Variants in MITF observed in about 807,000 individuals in gnomAD.
MITF encodes the protein melanocyte inducing transcription factor, also known as microphthalmia-associated transcription factor.
MITF carries 17 observed loss-of-function variants against 60.5 expected under a neutral mutation model. The observed-to-expected ratio is 0.28, with a 90% CI of 0.19 to 0.42. MITF has a LOEUF of 0.42. Ranked by LOEUF, MITF falls within the 10% of genes least tolerant of loss-of-function variation. The pLI, the probability that MITF is intolerant of heterozygous loss-of-function variation, is 1.00. For synonymous variants in MITF, 260 were observed against 248.5 expected, an observed-to-expected ratio of 1.05 and a Z score of -0.43; for missense variants, 622 against 683.5, an observed-to-expected ratio of 0.91 and a Z score of 1.00.
chr3:69,895,437 A>G (rs1428643543), intron 2 of MITF, among the ~76,000 whole-genome samples: 1 of 152,230 alleles, frequency 6.6e-6, no homozygotes, highest in African/African-American at 2.4e-5. Context: ...TTTTGCGTAG[A>G]GATTGAGCAC....
rs1010518313 is a variant in MITF at position 69,966,313 on chromosome 3, C to G, written c.*1065C>G. The G allele has an allele frequency of 1.7e-5, 4 of 232,772 alleles. No individual in the cohort carries two copies. The highest frequency in any genetic ancestry group is 3.4e-5 in the Non-Finnish European group (4 of 117,638). The allele number at this position is 232,772 out of a possible 1,614,324, so 14.4% of individuals were successfully genotyped here. A position where few individuals can be genotyped will look rare whatever the true frequency, so the allele number is the denominator to read the frequency against. ...TTCTTTGTACACCCATGAAAGAAAACTTTTATGCAAGGTCTTGCATTTAAA... is the reference window on the plus strand; with the variant it reads ...TTCTTTGTACACCCATGAAAGAAAAGTTTTATGCAAGGTCTTGCATTTAAA... On this transcript the variant is annotated 3_prime_UTR_variant, in exon 10 of 10. Coordinates refer to ENST00000352241, the MANE Select transcript of MITF (RefSeq NM_001354604.2).
At chr3:69,816,710 A>T (rs181618980) in intron 1 of MITF, among the ~76,000 whole-genome samples, 24 of 152,168 alleles carry the variant, frequency 1.6e-4, no homozygotes, top group Non-Finnish European at 3.1e-4. Context: ...GTAGTACCTA[A>T]TTCATAGGGG....
intron 1 of MITF, among the ~76,000 whole-genome samples, chr3:69,841,762 G>A (rs2063641103): frequency 6.6e-6 from 1 of 152,172 alleles, no homozygotes; most frequent in Admixed American, 6.5e-5. Flanking sequence ...TAATTTAGAA[G>A]TGGCAGGTCA....
intron 1 of MITF, among the ~76,000 whole-genome samples, chr3:69,775,831 G>C (rs2062465087): frequency 6.6e-6 from 1 of 152,144 alleles, no homozygotes; most frequent in African/African-American, 2.4e-5. Context: ...GTGTAAAAAA[G>C]AAAAGCAGGA....
chr3:69,787,683 CT>C lies in MITF; in HGVS notation c.104+47989del, dbSNP rs534197885. ...AGTATAAATTACCCTCACTTTTTTTCTTTTTTTCTCTTCTTGATCTCAGTAT... is the reference window on the plus strand; with the variant it reads ...AGTATAAATTACCCTCACTTTTTTTCTTTTTTCTCTTCTTGATCTCAGTAT... On this transcript the variant is annotated intron_variant, in intron 1 of 9. Coordinates refer to ENST00000352241, the MANE Select transcript of MITF (RefSeq NM_001354604.2). 3.8e-3 allele frequency among the ~76,000 whole-genome samples: 580 copies of C among 151,932 alleles called. 1 individual carries two copies. Among genetic ancestry groups the C allele is most frequent in the Non-Finnish European group, 4.6e-3 (309 of 67,890 alleles).
At chr3:69,933,712 G>C (rs948303107) in intron 2 of MITF, among the ~76,000 whole-genome samples, 1 of 152,150 alleles carries the variant, frequency 6.6e-6, no homozygotes, top group African/African-American at 2.4e-5. Context: ...GTGTTCAGCA[G>C]TACTCAACTT....
At chr3:69,958,057 A>G (rs1303719992) in intron 8 of MITF, among the ~76,000 whole-genome samples, 4 of 152,190 alleles carry the variant, frequency 2.6e-5, no homozygotes, top group African/African-American at 9.7e-5. Flanking sequence ...TACCAAACAA[A>G]AAAAAAGTTT....
intron 1 of MITF, among the ~76,000 whole-genome samples, chr3:69,839,649 G>A (rs1048415328): frequency 7.2e-5 from 11 of 151,836 alleles, no homozygotes; most frequent in African/African-American, 2.7e-4. Flanking sequence ...CATGTCAGTG[G>A]CCCACAGCTA....
chr3:69,961,666 G>A (rs1422683615), intron 9 of MITF, among the ~76,000 whole-genome samples: 2 of 152,084 alleles, frequency 1.3e-5, no homozygotes, highest in African/African-American at 2.4e-5. Flanking sequence ...CAGAGGTTGC[G>A]GTGAGCTGAG....
chr3:69,913,883 G>A (rs1297168117), intron 2 of MITF, among the ~76,000 whole-genome samples: 1 of 152,178 alleles, frequency 6.6e-6, no homozygotes, highest in Non-Finnish European at 1.5e-5. Context: ...ATTTGATATA[G>A]TGCTTTTTAT....
intron 1 of MITF, among the ~76,000 whole-genome samples, chr3:69,878,729 G>A (rs2064411227): frequency 6.6e-6 from 1 of 152,046 alleles, no homozygotes; most frequent in Non-Finnish European, 1.5e-5. Flanking sequence ...GTAGTTATTT[G>A]GTTAGATTCA....
At chr3:69,881,754 A>T (rs1245043910) in intron 2 of MITF, among the ~76,000 whole-genome samples, 2 of 152,084 alleles carry the variant, frequency 1.3e-5, no homozygotes, top group Admixed American at 1.3e-4. Flanking sequence ...TTTCTCCATG[A>T]ATATATATTT....
rs562312565 is a variant in MITF at position 69,761,489 on chromosome 3, C to T, written c.104+21788C>T. On this transcript the variant is annotated intron_variant, in intron 1 of 9. Coordinates refer to ENST00000352241, the MANE Select transcript of MITF (RefSeq NM_001354604.2). ...TTATTCACCATGCTGGCAGTGGTTT[C>T]CATGTATTTTGGTGTTCGGAGGTTT... Among the ~76,000 whole-genome samples the T allele has an allele frequency of 4.6e-5, 7 of 152,196 alleles. No individual in the cohort carries two copies. The South Asian group carries it at 1.5e-3, about 32-fold the overall frequency.
At chr3:69,749,514 A>G (rs1000686254) in intron 1 of MITF, among the ~76,000 whole-genome samples, 3 of 152,256 alleles carry the variant, frequency 2.0e-5, no homozygotes, top group African/African-American at 7.2e-5. Context: ...AGTGCCTAGA[A>G]TAAACATTAA....
At chr3:69,879,466 A>G in intron 2 of MITF, 83 bp downstream of exon 2, 1 of 1,592,482 alleles carries the variant, frequency 6.3e-7, no homozygotes, top group Non-Finnish European at 8.6e-7. Context: ...CTGAATATGT[A>G]TTTTGTTAGA....
chr3:69,776,540 T>C (rs2062475923), intron 1 of MITF, among the ~76,000 whole-genome samples: 1 of 152,184 alleles, frequency 6.6e-6, no homozygotes, highest in Admixed American at 6.5e-5. Context: ...AGTTAGTATG[T>C]GTCAAGTGTT....
intron 1 of MITF, among the ~76,000 whole-genome samples, chr3:69,804,822 G>A (rs573496879): frequency 3.3e-5 from 5 of 152,214 alleles, no homozygotes; most frequent in Non-Finnish European, 7.3e-5. Context: ...GAAGGTCAGC[G>A]TGATGACGTC....
At chr3:69,750,603 C>T (rs1703901351) in intron 1 of MITF, among the ~76,000 whole-genome samples, 1 of 151,488 alleles carries the variant, frequency 6.6e-6, no homozygotes, top group Admixed American at 6.6e-5. Flanking sequence ...TTCTTAAACT[C>T]GAGTGTGCAT....
intron 1 of MITF, among the ~76,000 whole-genome samples, chr3:69,818,629 A>G (rs1174748483): frequency 6.6e-6 from 1 of 152,222 alleles, no homozygotes; most frequent in Admixed American, 6.5e-5. Flanking sequence ...TTTATAATAT[A>G]AGCACTAAAT....
Sources: gnomAD v4.1 joint callset for allele counts (sites outside exome capture counted in the v4.1 genomes callset) on GRCh38, gnomAD v4.1.1 for gene constraint, MANE v1.5 for transcripts, NCBI Gene and HGNC (gene_info 2026-07-23, HGNC 2026-07-21) for gene names.